The following PPP1R9A variants were observed in gnomAD, a reference collection of about 807,000 sequenced individuals.
The protein encoded by PPP1R9A is protein phosphatase 1 regulatory subunit 9A, also known as neurabin-1.
PPP1R9A carries 59 observed loss-of-function variants against 141.9 expected under a neutral mutation model. The observed-to-expected ratio is 0.42, with a 90% confidence interval of 0.34 to 0.52. PPP1R9A has a LOEUF of 0.52. PPP1R9A is among the 20% of genes least tolerant of loss of function. The probability of loss-of-function intolerance (pLI) is 0.10; values close to 1 mark genes in which losing one functional copy is unlikely to be tolerated. For missense variants in PPP1R9A, 1,444 were observed against 1,611.9 expected (o/e 0.90, Z 1.78); for synonymous variants, 500 against 569.7 (o/e 0.88, Z 1.74).
At chr7:95,026,073 T>C (rs962381487) in intron 2 of PPP1R9A, among the ~76,000 whole-genome samples, 5 of 152,210 alleles carry the variant, frequency 3.3e-5, no homozygotes, top group African/African-American at 1.2e-4. Flanking sequence ...GAAGCCTATT[T>C]CTGTCAGTTT....
At chr7:95,030,768 A>C (rs889660541) in intron 2 of PPP1R9A, among the ~76,000 whole-genome samples, 1 of 152,168 alleles carries the variant, frequency 6.6e-6, no homozygotes, top group Non-Finnish European at 1.5e-5. Context: ...CAGATCCACT[A>C]AATCTCTTAC....
chr7:95,251,475 G>A (rs1798864832), intron 10 of PPP1R9A, among the ~76,000 whole-genome samples: 1 of 152,148 alleles, frequency 6.6e-6, no homozygotes, highest in African/African-American at 2.4e-5. Context: ...TACCCAATGT[G>A]GGTCATTAGT....
chr7:95,229,153 G>C (rs1186679924), intron 8 of PPP1R9A, among the ~76,000 whole-genome samples: 1 of 151,888 alleles, frequency 6.6e-6, no homozygotes, highest in Non-Finnish European at 1.5e-5. Context: ...GTAGGAGGGA[G>C]AACTGCTGCA....
intron 16 of PPP1R9A, 62 bp downstream of exon 16, chr7:95,274,230 T>C (rs1226844250): frequency 3.6e-6 from 5 of 1,388,084 alleles, no homozygotes; most frequent in South Asian, 1.3e-5. Flanking sequence ...CCCCCTCTTC[T>C]ATTGTTAACC....
At chr7:94,909,129 G>C (rs1471554009) in intron 1 of PPP1R9A, among the ~76,000 whole-genome samples, 2 of 152,154 alleles carry the variant, frequency 1.3e-5, no homozygotes, top group Non-Finnish European at 2.9e-5. Flanking sequence ...AGGCAAGAAA[G>C]AATAAACAAA....
chr7:95,158,084 T>C (rs149946856), intron 4 of PPP1R9A, among the ~76,000 whole-genome samples: 17 of 152,314 alleles, frequency 1.1e-4, no homozygotes, highest in Non-Finnish European at 1.5e-4. Context: ...TATAAAGCTT[T>C]ATTAGCTAAG....
rs1791342704 is a variant in PPP1R9A, at chr7:94,910,596, A to G, written c.483A>G (p.Pro161=). The stretch of plus-strand genomic sequence containing the variant: ...CAGGACAGAACAACCGCTATTCCCC[A>G]AAGAAAGAGAAAGCTGGAGGGAGTG... ...HESGQNNRYS[P]KKEKAGGSEP... The change falls in exon 2 of 20, where the codon CCA becomes CCG. Residue 161 remains proline, a synonymous_variant. Coordinates refer to ENST00000433360, the MANE Select transcript of PPP1R9A (RefSeq NM_001166160.2). The surrounding 1 kb of genome is among the most constrained non-coding windows in gnomAD (Gnocchi z 4.5). The G allele has an allele frequency of 6.2e-7, 1 of 1,614,196 alleles. No individual in the cohort carries two copies. The highest frequency in any genetic ancestry group is 8.5e-7 in the Non-Finnish European group (1 of 1,180,032).
intron 4 of PPP1R9A, among the ~76,000 whole-genome samples, chr7:95,157,400 T>G (rs1393346294): frequency 6.6e-6 from 1 of 152,094 alleles, no homozygotes; most frequent in Non-Finnish European, 1.5e-5. Context: ...CTGCAGCCCT[T>G]CCCAGGAGGG....
intron 2 of PPP1R9A, among the ~76,000 whole-genome samples, chr7:95,076,505 T>G (rs1039413852): frequency 2.0e-5 from 3 of 152,186 alleles, no homozygotes; most frequent in Non-Finnish European, 4.4e-5. Flanking sequence ...GTTTCATCAA[T>G]CTGTCTACTC....
At chr7:95,184,950 C>T (rs1007091496) in intron 5 of PPP1R9A, among the ~76,000 whole-genome samples, 1 of 151,384 alleles carries the variant, frequency 6.6e-6, no homozygotes, top group Non-Finnish European at 1.5e-5. Flanking sequence ...GTGTCTTTTT[C>T]ATATAATGAC....
rs762969306 is a variant in PPP1R9A, at chr7:94,911,193, G to C, written c.1080G>C (p.Gln360His). 4.3e-6 allele frequency: 7 copies of C among 1,614,090 alleles called. No individual in the cohort carries two copies. The Admixed American group carries it at 1.2e-4, about 27-fold the overall frequency. ...NLVGREAAKQ[Q>H]RKELAGGDFT... ...TTGGAAGGGAGGCAGCAAAGCAACA[G>C]AGGAAAGAACTTGCAGGTGGTGATT... The change falls in exon 2 of 20, where the codon CAG becomes CAC. Residue 360 changes from glutamine to histidine, a missense_variant. This residue lies in a region of PPP1R9A where 490 missense variants were observed against 521.1 expected (regional missense o/e 0.94). Coordinates refer to ENST00000433360, the MANE Select transcript of PPP1R9A (RefSeq NM_001166160.2).
Position 95,028,878 on chromosome 7 carries a change from T to G in PPP1R9A, c.1396-82381T>G, listed in dbSNP as rs549584606. On this transcript the variant is annotated intron_variant, in intron 2 of 19. Coordinates refer to ENST00000433360, the MANE Select transcript of PPP1R9A (RefSeq NM_001166160.2). ...AAAGCAGGAAGATAGCTTAACTGATTGAACCTTGTGGTTTCACTCTTTAGA... is the reference window on the plus strand; with the variant it reads ...AAAGCAGGAAGATAGCTTAACTGATGGAACCTTGTGGTTTCACTCTTTAGA... Among the ~76,000 whole-genome samples, 4 of 152,316 alleles carry G rather than the reference T, an allele frequency of 2.6e-5. No homozygotes were observed. In the South Asian group the frequency reaches 8.3e-4, roughly 32 times the overall value.
intron 7 of PPP1R9A, among the ~76,000 whole-genome samples, chr7:95,221,652 T>C (rs1794472556): frequency 6.6e-6 from 1 of 152,012 alleles, no homozygotes; most frequent in African/African-American, 2.4e-5. Flanking sequence ...GAAAACTAAA[T>C]ACAGTGCTTT....
chr7:95,281,516 T>C (rs185964879), intron 16 of PPP1R9A, among the ~76,000 whole-genome samples: 56 of 152,282 alleles, frequency 3.7e-4, no homozygotes, highest in Non-Finnish European at 6.8e-4. Context: ...CACAGGTCCA[T>C]GTGGAATTAT....
intron 2 of PPP1R9A, among the ~76,000 whole-genome samples, chr7:94,976,225 A>G (rs1799427006): frequency 1.3e-5 from 2 of 152,198 alleles, no homozygotes; most frequent in Non-Finnish European, 2.9e-5. Context: ...AATACCTACT[A>G]AATTATTAAT....
intron 2 of PPP1R9A, among the ~76,000 whole-genome samples, chr7:94,916,656 A>G (rs1584194506): frequency 6.6e-6 from 1 of 152,254 alleles, no homozygotes; most frequent in African/African-American, 2.4e-5. Flanking sequence ...GTTTTTAGTT[A>G]TAAAAAGTTG....
At chr7:95,252,268 G>A in intron 12 of PPP1R9A, 138 bp downstream of exon 12, 1 of 933,974 alleles carries the variant, frequency 1.1e-6, no homozygotes, top group Non-Finnish European at 1.5e-6. Flanking sequence ...TATCAAAATA[G>A]GAGTCAATCA....
At chr7:95,071,628 G>A (rs1813825807) in intron 2 of PPP1R9A, among the ~76,000 whole-genome samples, 1 of 151,756 alleles carries the variant, frequency 6.6e-6, no homozygotes, top group African/African-American at 2.4e-5. Context: ...GGGTCATTTT[G>A]AATAGCTGAT....
intron 4 of PPP1R9A, among the ~76,000 whole-genome samples, chr7:95,137,965 C>G (rs1335949753): frequency 7.3e-6 from 1 of 137,608 alleles, no homozygotes; most frequent in African/African-American, 2.9e-5. Flanking sequence ...CGGAGTCTTG[C>G]TTTGTCACCC....
Sources: allele counts gnomAD v4.1 joint callset (sites outside exome capture counted in the v4.1 genomes callset), GRCh38; gene constraint gnomAD v4.1.1; regional missense constraint gnomAD v4.1.1; non-coding constraint Gnocchi (gnomAD v3.1); transcripts MANE v1.5; gene names NCBI Gene and HGNC (gene_info 2026-07-23, HGNC 2026-07-21).